The following GNAT3 variants were observed in gnomAD, a reference collection of about 807,000 sequenced individuals.
GNAT3 encodes the protein guanine nucleotide-binding protein G(t) subunit alpha-3.
GNAT3 carries 31 observed loss-of-function variants against 37.7 expected under a neutral mutation model. The observed-to-expected ratio is 0.82, with a 90% CI of 0.62 to 1.11. GNAT3 has a LOEUF of 1.11. GNAT3 is among the 50% of genes most tolerant of loss of function. The pLI, the probability that GNAT3 is intolerant of heterozygous loss-of-function variation, is 0.00. For synonymous variants in GNAT3, 138 were observed against 139.8 expected (o/e 0.99, Z 0.09); for missense variants, 437 against 412.5 (o/e 1.06, Z -0.51).
At chr7:80,460,222 A>G (rs1790027188) in intron 7 of GNAT3, among the ~76,000 whole-genome samples, 2 of 152,218 alleles carry the variant, frequency 1.3e-5, no homozygotes, top group African/African-American at 2.4e-5. Context: ...GACAGTAAGA[A>G]AATGCTACAT....
At chr7:80,504,809 T>C (rs932488330) in intron 1 of GNAT3, among the ~76,000 whole-genome samples, 2 of 152,196 alleles carry the variant, frequency 1.3e-5, no homozygotes, top group African/African-American at 4.8e-5. Context: ...TCATTTATAA[T>C]TGTTTTGTTG....
At chr7:80,470,710 C>A in intron 5 of GNAT3, among the ~76,000 whole-genome samples, 1 of 152,088 alleles carries the variant, frequency 6.6e-6, no homozygotes, top group East Asian at 1.9e-4. Flanking sequence ...TTCACAAAAT[C>A]ACAAAACTAC....
chr7:80,483,054 T>C (rs986056202), intron 3 of GNAT3, among the ~76,000 whole-genome samples: 2 of 152,072 alleles, frequency 1.3e-5, no homozygotes, highest in Non-Finnish European at 2.9e-5. Flanking sequence ...CCTACGGTAA[T>C]GATTTTCAAT....
intron 5 of GNAT3, among the ~76,000 whole-genome samples, chr7:80,465,085 C>T (rs1414424622): frequency 6.6e-6 from 1 of 151,988 alleles, no homozygotes; most frequent in Non-Finnish European, 1.5e-5. Flanking sequence ...AAAAATTAAA[C>T]AACATTCTTA....
intron 5 of GNAT3, among the ~76,000 whole-genome samples, chr7:80,464,091 T>C (rs144754517): frequency 1.2e-4 from 18 of 151,638 alleles, no homozygotes; most frequent in African/African-American, 3.6e-4. Flanking sequence ...GTGGTGATGG[T>C]GGTAGTGATT....
At chr7:80,459,033 A>G (rs1456091093) in intron 7 of GNAT3, among the ~76,000 whole-genome samples, 172 bp from the exon 8 acceptor site, 1 of 152,168 alleles carries the variant, frequency 6.6e-6, no homozygotes, top group Non-Finnish European at 1.5e-5. Context: ...CCCCTTTGGG[A>G]GCTCCCGGTG....
At chr7:80,505,708 A>C (rs532687402) in intron 1 of GNAT3, among the ~76,000 whole-genome samples, 7 of 152,186 alleles carry the variant, frequency 4.6e-5, no homozygotes, top group Non-Finnish European at 1.0e-4. Flanking sequence ...AATTTTAAGT[A>C]GTAAATTTAT....
chr7:80,503,944 G>A (rs1410756207), intron 1 of GNAT3, among the ~76,000 whole-genome samples: 2 of 152,190 alleles, frequency 1.3e-5, no homozygotes, highest in Non-Finnish European at 2.9e-5. Context: ...TCCACTTATA[G>A]ATGGAAAGAA....
intron 1 of GNAT3, among the ~76,000 whole-genome samples, chr7:80,505,429 C>G (rs1364548701): frequency 6.6e-6 from 1 of 152,120 alleles, no homozygotes; most frequent in Non-Finnish European, 1.5e-5. Flanking sequence ...TGCAGTGGCA[C>G]AATCTCGGCT....
At chr7:80,460,108 T>C (rs1157295119) in intron 7 of GNAT3, among the ~76,000 whole-genome samples, 5 of 152,184 alleles carry the variant, frequency 3.3e-5, no homozygotes, top group Admixed American at 2.6e-4. Flanking sequence ...GGATAAACTG[T>C]GGTTCGTTTA....
intron 5 of GNAT3, among the ~76,000 whole-genome samples, chr7:80,469,885 A>G (rs1329987971): frequency 6.6e-6 from 1 of 152,222 alleles, no homozygotes; most frequent in Admixed American, 6.6e-5. Flanking sequence ...GTGAGAATTT[A>G]TTAAAGGATT....
chr7:80,479,702 C>A (rs1397642342), intron 3 of GNAT3, among the ~76,000 whole-genome samples: 13 of 132,856 alleles, frequency 9.8e-5, no homozygotes, highest in Admixed American at 2.9e-4. Context: ...CAGAGCCAGA[C>A]CCTGTCTCAA....
Position 80,474,254 on chromosome 7 carries a change from A to G in GNAT3, c.587T>C (p.Phe196Ser). ...TAGAAAAGATATTTGATCATACCTG[A>G]AGTGCAAGTCTTTAAAGGAGAATTG... ...ETQFSFKDLH[F>S]RMFDVGGQRS... The change falls in exon 5 of 8, where the codon TTC becomes TCC. Residue 196 changes from phenylalanine (F) to serine (S), a missense_variant. Physicochemically the swap from Phe to Ser is radical, Grantham distance 155 (BLOSUM62 -2). Transcript: ENST00000398291. 2 of 1,604,400 alleles carry G rather than the reference A, an allele frequency of 1.2e-6. No individual in the cohort carries two copies. Among genetic ancestry groups the G allele is most frequent in the South Asian group, 1.1e-5 (1 of 89,326 alleles).
intron 1 of GNAT3, among the ~76,000 whole-genome samples, chr7:80,505,033 T>A (rs1270249150): frequency 2.0e-5 from 3 of 152,120 alleles, no homozygotes; most frequent in African/African-American, 4.8e-5. Context: ...TGAAGGAAAG[T>A]AAGAATTTAC....
intron 1 of GNAT3, among the ~76,000 whole-genome samples, chr7:80,501,338 A>G (rs1790830996): frequency 6.6e-6 from 1 of 152,046 alleles, no homozygotes; most frequent in Non-Finnish European, 1.5e-5. Context: ...ATTTACATAT[A>G]CATATATGAA....
intron 7 of GNAT3, 26 bp downstream of exon 7, chr7:80,462,133 A>T (rs200076914): frequency 2.7e-4 from 392 of 1,427,512 alleles, no homozygotes; most frequent in Non-Finnish European, 2.4e-4. Context: ...ATTTATTTCT[A>T]TGGAACTAAA....
At chr7:80,498,013 T>G (rs909532439) in intron 1 of GNAT3, among the ~76,000 whole-genome samples, 4 of 152,156 alleles carry the variant, frequency 2.6e-5, no homozygotes, top group Non-Finnish European at 5.9e-5. Context: ...AGAAATATTT[T>G]ATTGATTAAG....
chr7:80,509,384 A>T (rs7786144), intron 1 of GNAT3, among the ~76,000 whole-genome samples: 27,261 of 152,036 alleles, frequency 0.18, 3,766 homozygotes, highest in African/African-American at 0.38. Flanking sequence ...TTTTGTATAA[A>T]TAAAATGTGA....
intron 5 of GNAT3, among the ~76,000 whole-genome samples, chr7:80,470,384 G>A (rs1367478949): frequency 5.9e-5 from 9 of 152,144 alleles, no homozygotes; most frequent in East Asian, 3.9e-4. Context: ...ACCATGCCCC[G>A]CTAATTTTTG....
Sources: allele counts gnomAD v4.1 joint callset (sites outside exome capture counted in the v4.1 genomes callset), GRCh38; gene constraint gnomAD v4.1.1; transcripts MANE v1.5; gene names NCBI Gene and HGNC (gene_info 2026-07-23, HGNC 2026-07-21).